The following CIP2A variants were observed in gnomAD, a reference collection of about 807,000 sequenced individuals.
CIP2A encodes the protein cellular inhibitor of PP2A.
In CIP2A, 103 loss-of-function variants were observed where a neutral mutation model predicts 110.9. The ratio of observed to expected loss-of-function variants is 0.93; its 90% CI spans 0.79 to 1.09. The LOEUF is 1.09. Ranked by LOEUF, CIP2A falls within the 50% of genes least tolerant of loss-of-function variation. The pLI is 0.00. For missense variants in CIP2A, 1,088 were observed against 1,038.4 expected, an observed-to-expected ratio of 1.05 and a Z score of -0.66; for synonymous variants, 381 against 361.6, an observed-to-expected ratio of 1.05 and a Z score of -0.61.
At chr3:108,551,340 G>GCC in intron 20 of CIP2A, 21 bp from the exon 21 acceptor site, 1 of 1,562,644 alleles carries the variant, frequency 6.4e-7, no homozygotes, top group Non-Finnish European at 8.7e-7. Flanking sequence ...GGGGTTGGGG[G>GCC]AGGAGGAAGA....
intron 8 of CIP2A, among the ~76,000 whole-genome samples, chr3:108,572,703 A>ATAATC (rs1276027622): frequency 6.6e-6 from 1 of 151,932 alleles, no homozygotes; most frequent in Non-Finnish European, 1.5e-5. Context: ...TGTTAAATAG[A>ATAATC]TTCACTTAAT....
chr3:108,565,357 G>A lies in CIP2A; in HGVS notation c.1513C>T (p.Gln505Ter). 6.6e-7 allele frequency: 1 copy of A among 1,519,568 alleles called. No homozygotes were observed. The allele number at this position is 1,519,568 out of a possible 1,614,324, so 94.1% of individuals were successfully genotyped here. A position where few individuals can be genotyped will look rare whatever the true frequency, so the allele number is the denominator to read the frequency against. ...ATGTTTGAAGAGTTTAAACTCACCT[G>A]AAGTATTTTGTAGAAGCTTACTTCC... ...GMEVSFYKILQDPRLITPLAF... is the reference protein window; with the variant it reads ...GMEVSFYKIL Residue 505 changes from glutamine to a stop codon, truncating the protein, a stop_gained and splice_region_variant, in exon 12 of 21, where the codon CAG (glutamine) becomes TAG (stop). Coordinates refer to ENST00000295746, the MANE Select transcript of CIP2A (RefSeq NM_020890.3). LOFTEE classifies it high-confidence loss of function.
Position 108,569,179 on chromosome 3 carries a change from T to TATATATATATATATATATATATATAC in CIP2A, c.1113+209_1113+210insGTATATATATATATATATATATATAT, listed in dbSNP as rs1271625941. On this transcript the variant is annotated intron_variant, in intron 9 of 20. Coordinates refer to ENST00000295746, the MANE Select transcript of CIP2A (RefSeq NM_020890.3). Reference sequence around the variant, plus strand: ...CACTGAAATGAGCACTATATATATATATACATACACACTACTCAGTGAAAA... The same window carrying TATATATATATATATATATATATATAC: ...CACTGAAATGAGCACTATATATATATATATATATATATATATATATATATACATACATACACACTACTCAGTGAAAA... Among the ~76,000 whole-genome samples, 4 of 72,088 alleles carry TATATATATATATATATATATATATAC rather than the reference T, an allele frequency of 5.5e-5. 1 individual carries two copies. Among genetic ancestry groups the TATATATATATATATATATATATATAC allele is most frequent in the African/African-American group, 1.2e-4 (3 of 24,142 alleles). 47.3% of individuals were successfully genotyped at this position (72,088 alleles called of 152,430 possible).
At chr3:108,570,469 G>GTT (rs1181584066) in intron 8 of CIP2A, among the ~76,000 whole-genome samples, 6 of 152,036 alleles carry the variant, frequency 3.9e-5, no homozygotes, top group African/African-American at 1.4e-4. Flanking sequence ...TGTGAACATC[G>GTT]TAAGAGTGTA....
rs370937449 is a variant in CIP2A, at chr3:108,559,879, C to T, written c.1903-12G>A. 4 of 1,599,130 alleles carry T rather than the reference C, an allele frequency of 2.5e-6. No individual in the cohort carries two copies. The Admixed American group carries it at 6.8e-5, about 27-fold the overall frequency. ...CTGCTTTCTTTGGACTACAAGAAAA[C>T]ATATCATTAATTTTCATTTTAGGAA... On this transcript the variant is annotated splice_polypyrimidine_tract_variant and intron_variant, in intron 15 of 20. Coordinates refer to ENST00000295746, the MANE Select transcript of CIP2A (RefSeq NM_020890.3).
chr3:108,575,551 T>A lies in CIP2A; in HGVS notation c.894+720A>T, dbSNP rs1315198412. ...ACACGTATATATACTCATATACATG[T>A]GTATATATACGTGTATATATACTCA... On this transcript the variant is annotated intron_variant, in intron 8 of 20. Coordinates refer to ENST00000295746, the MANE Select transcript of CIP2A (RefSeq NM_020890.3). Among the ~76,000 whole-genome samples the A allele has an allele frequency of 1.4e-3, 215 of 149,614 alleles. 2 individuals are homozygous for A. Among genetic ancestry groups the A allele is most frequent in the African/African-American group, 5.2e-3 (205 of 39,684 alleles).
intron 8 of CIP2A, among the ~76,000 whole-genome samples, chr3:108,573,732 G>A (rs991087222): frequency 2.6e-5 from 4 of 152,034 alleles, no homozygotes; most frequent in Non-Finnish European, 2.9e-5. Flanking sequence ...TCTAGGGTTC[G>A]AAATAAAAAA....
At chr3:108,557,449 T>C (rs750072633) in intron 16 of CIP2A, 35 bp from the exon 17 acceptor site, 2 of 1,466,328 alleles carry the variant, frequency 1.4e-6, no homozygotes, top group African/African-American at 1.4e-5. Context: ...TTTACCACTA[T>C]CATCTATATC....
intron 13 of CIP2A, among the ~76,000 whole-genome samples, chr3:108,562,289 T>C (rs1938032459): frequency 6.6e-6 from 1 of 152,072 alleles, no homozygotes; most frequent in Non-Finnish European, 1.5e-5. Context: ...CTGGTCTCTG[T>C]CACAATTACT....
chr3:108,556,319 A>G (rs1031824966), intron 17 of CIP2A, among the ~76,000 whole-genome samples: 5 of 152,170 alleles, frequency 3.3e-5, no homozygotes, highest in African/African-American at 9.7e-5. Context: ...AAGTTCCCCC[A>G]GAGTGTATTT....
chr3:108,589,285 G>A lies in CIP2A; in HGVS notation c.91C>T (p.Arg31Trp), dbSNP rs868551176. ...KSEANATQLL[R>W]HLEVISGQKL... ...CCAGAGCCTCTCACCTCCAAGTGCC[G>A]CAAAAGCTGAGTGGCGTTCGCCTCT... is the stretch of plus-strand genomic sequence containing the variant. Residue 31 changes from arginine to tryptophan, a missense_variant, in exon 1 of 21, where the codon CGG becomes TGG. Physicochemically the swap from Arg to Trp is moderately radical, Grantham distance 101. Coordinates refer to ENST00000295746, the MANE Select transcript of CIP2A (RefSeq NM_020890.3). The A allele has an allele frequency of 1.2e-6, 2 of 1,613,376 alleles. No homozygotes were observed. Among genetic ancestry groups the A allele is most frequent in the South Asian group, 2.2e-5 (2 of 91,014 alleles).
At chr3:108,553,128 T>G (rs1432545053) in intron 19 of CIP2A, among the ~76,000 whole-genome samples, 15 of 130,578 alleles carry the variant, frequency 1.1e-4, no homozygotes, top group Non-Finnish European at 2.0e-4. Context: ...TTTGTTTTTT[T>G]TTTTTTTTTT....
chr3:108,580,155 CA>C (rs950380311), intron 5 of CIP2A, among the ~76,000 whole-genome samples: 22 of 151,840 alleles, frequency 1.4e-4, no homozygotes, highest in African/African-American at 5.1e-4. Context: ...GTGGTGGAAG[CA>C]AAAAAAATTC....
intron 12 of CIP2A, among the ~76,000 whole-genome samples, chr3:108,563,549 T>A (rs1336441856): frequency 6.6e-6 from 1 of 152,020 alleles, no homozygotes; most frequent in African/African-American, 2.4e-5. Context: ...CACAACTGAC[T>A]GATGTGTAGA....
At chr3:108,558,354 G>A (rs987396786) in intron 16 of CIP2A, among the ~76,000 whole-genome samples, 1 of 151,992 alleles carries the variant, frequency 6.6e-6, no homozygotes, top group Non-Finnish European at 1.5e-5. Flanking sequence ...CAAAAGCCAG[G>A]AACACTTTAT....
intron 12 of CIP2A, among the ~76,000 whole-genome samples, chr3:108,564,313 T>C (rs1938109440): frequency 6.6e-6 from 1 of 151,968 alleles, no homozygotes; most frequent in Non-Finnish European, 1.5e-5. Context: ...AACATGCCAG[T>C]GGTCCCTGCC....
chr3:108,569,249 C>T (rs988658970), intron 9 of CIP2A, 140 bp downstream of exon 9: 18 of 597,726 alleles, frequency 3.0e-5, no homozygotes, highest in African/African-American at 4.3e-5. Context: ...AAAAACCTAG[C>T]GAGTCTAGTA....
At chr3:108,584,416 G>A (rs549126739) in intron 2 of CIP2A, among the ~76,000 whole-genome samples, 1 of 152,262 alleles carries the variant, frequency 6.6e-6, no homozygotes, top group South Asian at 2.1e-4. Flanking sequence ...CCTCAAAGCT[G>A]AAAAGATGAG....
In CIP2A at chr3:108,557,408, T is replaced by C; in HGVS notation, c.2020A>G (p.Thr674Ala). The change falls in exon 17 of 21, where the codon ACA becomes GCA. Residue 674 changes from threonine to alanine, a missense_variant. Transcript: ENST00000295746. Reference protein sequence around the residue: ...QRTQAETEARTLASMLREVER... With the variant: ...QRTQAETEARALASMLREVER... ...ACTTCTCTCAACATACTAGCAAGTG[T>C]CCGTGCCTCAAAAAAAAAAAGAAGA... is the stretch of plus-strand genomic sequence containing the variant. 6.3e-7 allele frequency: 1 copy of C among 1,579,918 alleles called. No individual in the cohort carries two copies. Among genetic ancestry groups the C allele is most frequent in the South Asian group, 1.1e-5 (1 of 87,080 alleles).
Sources: allele counts gnomAD v4.1 joint callset (sites outside exome capture counted in the v4.1 genomes callset), GRCh38; gene constraint gnomAD v4.1.1; transcripts MANE v1.5; gene names NCBI Gene and HGNC (gene_info 2026-07-23, HGNC 2026-07-21).